KLF8: variants seen among roughly 807,000 people sequenced by gnomAD.
KLF8 encodes the protein KLF transcription factor 8, also known as Krueppel-like factor 8.
A neutral mutation model predicts 18.2 loss-of-function variants in KLF8; 10 were observed. That is an observed-to-expected ratio of 0.55 (90% CI 0.34 to 0.93). The LOEUF (loss-of-function observed/expected upper bound fraction) is 0.93, where lower values mean the gene tolerates loss of function less well. KLF8 is among the 40% of genes least tolerant of loss of function. The pLI, the probability that KLF8 is intolerant of heterozygous loss-of-function variation, is 0.02. For missense variants in KLF8, 264 were observed against 277.9 expected, an observed-to-expected ratio of 0.95 and a Z score of 0.36; for synonymous variants, 109 against 97.3, an observed-to-expected ratio of 1.12 and a Z score of -0.71.
At chrX:56,104,324 T>C in the KLF8 span, among the ~76,000 whole-genome samples, 1 of 111,265 alleles carries the variant, frequency 9.0e-6, no homozygotes, top group Non-Finnish European at 1.9e-5. Context: ...TAGAATTCGG[T>C]TGTGAATCCA....
the KLF8 span, among the ~76,000 whole-genome samples, chrX:56,114,550 T>C: frequency 8.9e-6 from 1 of 112,626 alleles, no homozygotes; most frequent in African/African-American, 3.2e-5. Context: ...ACAGTAGACA[T>C]TGGGTGTGAC....
the KLF8 span, among the ~76,000 whole-genome samples, chrX:56,174,524 C>T: frequency 5.4e-5 from 6 of 111,725 alleles, no homozygotes; most frequent in South Asian, 3.7e-4. Flanking sequence ...ATTTTTGCAT[C>T]GATGTTCATC....
chrX:56,133,822 G>A, the KLF8 span, among the ~76,000 whole-genome samples: 1 of 110,901 alleles, frequency 9.0e-6, no homozygotes, highest in Non-Finnish European at 1.9e-5. Context: ...AAAAGTTTCA[G>A]GATACTAAAT....
At chrX:56,160,836 T>G in the KLF8 span, among the ~76,000 whole-genome samples, 1 of 111,643 alleles carries the variant, frequency 9.0e-6, no homozygotes, top group African/African-American at 3.3e-5. Context: ...GTCTTGACTC[T>G]TTATCCAATT....
chrX:56,154,882 A>T, the KLF8 span, among the ~76,000 whole-genome samples: 1 of 112,329 alleles, frequency 8.9e-6, no homozygotes, highest in African/African-American at 3.2e-5. Context: ...CATCAGAGAA[A>T]TGAAAATCAA....
the KLF8 span, among the ~76,000 whole-genome samples, chrX:56,207,094 C>T: frequency 3.6e-5 from 4 of 112,444 alleles, no homozygotes; most frequent in South Asian, 1.1e-3. Context: ...CATCAAGTCC[C>T]GAGACTGCAC....
the KLF8 span, among the ~76,000 whole-genome samples, chrX:56,092,563 A>T: frequency 9.0e-6 from 1 of 110,802 alleles, no homozygotes; most frequent in African/African-American, 3.3e-5. Context: ...CCCCAGTGTA[A>T]ATTCTTATTA....
At chrX:56,104,768 G>A in the KLF8 span, among the ~76,000 whole-genome samples, 3 of 110,901 alleles carry the variant, frequency 2.7e-5, 1 homozygote, top group Admixed American at 9.6e-5. Context: ...TTTTGAATGT[G>A]TTTACTCTTG....
chrX:56,224,724 G>A, the KLF8 span, among the ~76,000 whole-genome samples: 27 of 111,634 alleles, frequency 2.4e-4, no homozygotes, highest in Non-Finnish European at 2.3e-4. Context: ...AATTTTAATG[G>A]CTATATAATG....
chrX:56,197,026 G>T, the KLF8 span, among the ~76,000 whole-genome samples: 3,627 of 111,586 alleles, frequency 0.033, 160 homozygotes, highest in African/African-American at 0.11. Context: ...GGCAGAAATA[G>T]AGATGTTCTT....
the KLF8 span, among the ~76,000 whole-genome samples, chrX:55,973,099 A>G: frequency 1.8e-5 from 2 of 112,417 alleles, no homozygotes; most frequent in African/African-American, 6.4e-5. Flanking sequence ...AATTTCAATA[A>G]CAAACAATGA....
At chrX:56,049,699 G>A in the KLF8 span, among the ~76,000 whole-genome samples, 2 of 107,368 alleles carry the variant, frequency 1.9e-5, no homozygotes, top group African/African-American at 6.9e-5. Flanking sequence ...TTGCATCAAT[G>A]TTCATCAAGG....
intron 4 of KLF8, 61 bp downstream of exon 4, chrX:56,269,550 C>T (rs1345907583): frequency 8.0e-5 from 85 of 1,057,985 alleles, no homozygotes; most frequent in Non-Finnish European, 9.9e-5. Context: ...TGTGTGTGTA[C>T]ATTTGCACAT....
chrX:56,079,221 T>A, the KLF8 span, among the ~76,000 whole-genome samples: 3 of 111,516 alleles, frequency 2.7e-5, no homozygotes, highest in African/African-American at 9.8e-5. Context: ...TCTAGTCGTT[T>A]TAATTGGGAT....
the KLF8 span, among the ~76,000 whole-genome samples, chrX:56,220,673 G>A: frequency 6.3e-5 from 7 of 110,488 alleles, no homozygotes; most frequent in African/African-American, 2.3e-4. Context: ...ATTTTTAGTA[G>A]AGACCGGTTT....
chrX:55,917,571 T>C, the KLF8 span, among the ~76,000 whole-genome samples: 1 of 112,114 alleles, frequency 8.9e-6, no homozygotes, highest in South Asian at 3.7e-4. Context: ...ATATCATCCT[T>C]ATAAACTGTG....
chrX:56,109,387 T>G, the KLF8 span, among the ~76,000 whole-genome samples: 1 of 97,034 alleles, frequency 1.0e-5, no homozygotes, highest in Non-Finnish European at 2.0e-5. Context: ...AGAGCAAAAC[T>G]CTATCTCAAA....
chrX:56,180,802 T>G, the KLF8 span, among the ~76,000 whole-genome samples: 1 of 112,482 alleles, frequency 8.9e-6, no homozygotes, highest in Non-Finnish European at 1.9e-5. Context: ...TGAGTTCTAA[T>G]TTGATTGCAC....
At chrX:56,154,220 G>T in the KLF8 span, among the ~76,000 whole-genome samples, 1 of 111,265 alleles carries the variant, frequency 9.0e-6, no homozygotes, top group Non-Finnish European at 1.9e-5. Flanking sequence ...CATGGTACTG[G>T]TACCAAAACA....
Sources: allele counts gnomAD v4.1 joint callset (sites outside exome capture counted in the v4.1 genomes callset), GRCh38; gene constraint gnomAD v4.1.1; transcripts MANE v1.5; gene names NCBI Gene and HGNC (gene_info 2026-07-23, HGNC 2026-07-21).